The following LY86 variants were observed in gnomAD, a reference collection of about 807,000 sequenced individuals.
The protein encoded by LY86 is MD-1, RP105-associated.
In LY86, 20 loss-of-function variants were observed where a neutral mutation model predicts 17.3. The observed-to-expected ratio is 1.15, with a 90% CI of 0.81 to 1.68. The LOEUF is 1.68. Among genes scored for constraint, LY86 ranks in the 40% most tolerant of loss-of-function variants. The pLI is 0.00. For missense variants in LY86, 200 were observed against 191.9 expected, an observed-to-expected ratio of 1.04 and a Z score of -0.25; for synonymous variants, 74 against 70.6, an observed-to-expected ratio of 1.05 and a Z score of -0.24.
intron 3 of LY86, among the ~76,000 whole-genome samples, chr6:6,637,025 T>TA (rs5874046): frequency 4.7e-5 from 7 of 149,606 alleles, no homozygotes; most frequent in Middle Eastern, 3.4e-3. Context: ...TTTTTTTTTT[T>TA]AATGAGAAGG....
At chr6:6,644,386 C>T (rs574210877) in intron 3 of LY86, among the ~76,000 whole-genome samples, 28 of 152,070 alleles carry the variant, frequency 1.8e-4, no homozygotes, top group Admixed American at 1.3e-3. Flanking sequence ...TATGGTGGCA[C>T]GCACTTGTAG....
chr6:6,606,101 A>T (rs1261548236), intron 1 of LY86, among the ~76,000 whole-genome samples: 1 of 152,140 alleles, frequency 6.6e-6, no homozygotes, highest in Admixed American at 6.5e-5. Context: ...CCCCACCCAC[A>T]TCCTGCTGAT....
chr6:6,602,975 CAG>C (rs1760959337), intron 1 of LY86, among the ~76,000 whole-genome samples: 1 of 152,130 alleles, frequency 6.6e-6, no homozygotes, highest in Admixed American at 6.5e-5. Context: ...TCATAAACAA[CAG>C]AAATTCATTG....
At chr6:6,602,655 T>A (rs543622723) in intron 1 of LY86, among the ~76,000 whole-genome samples, 1 of 152,198 alleles carries the variant, frequency 6.6e-6, no homozygotes, top group Middle Eastern at 3.4e-3. Flanking sequence ...TGTGGGTAAC[T>A]GGGGTTCAGT....
chr6:6,620,982 A>G (rs1328145785), intron 1 of LY86: 1 of 152,248 alleles, frequency 6.6e-6, no homozygotes, highest in Non-Finnish European at 1.5e-5. Flanking sequence ...GAGGGCCCAC[A>G]TGCCCGGGGG....
At chr6:6,622,330 G>C (rs559238571) in intron 1 of LY86, among the ~76,000 whole-genome samples, 1 of 152,068 alleles carries the variant, frequency 6.6e-6, no homozygotes. Context: ...AACACAATAC[G>C]TACTTAGCCT....
chr6:6,616,969 G>C (rs1761570830), intron 1 of LY86, among the ~76,000 whole-genome samples: 1 of 152,224 alleles, frequency 6.6e-6, no homozygotes, highest in Non-Finnish European at 1.5e-5. Flanking sequence ...CCCTAAGCCA[G>C]GCTCTCCCTT....
chr6:6,600,784 T>C (rs1455931079), intron 1 of LY86, among the ~76,000 whole-genome samples: 1 of 151,852 alleles, frequency 6.6e-6, no homozygotes, highest in African/African-American at 2.4e-5. Flanking sequence ...TCCACTGGGA[T>C]CATTTGCCAC....
chr6:6,613,102 A>G (rs1230734392), intron 1 of LY86, among the ~76,000 whole-genome samples: 42 of 152,208 alleles, frequency 2.8e-4, no homozygotes, highest in Admixed American at 2.7e-3. Context: ...GGATTGGTGC[A>G]TTCACAAACC....
intron 1 of LY86, among the ~76,000 whole-genome samples, chr6:6,624,338 C>T (rs941302661): frequency 3.3e-5 from 3 of 90,932 alleles, no homozygotes; most frequent in Non-Finnish European, 6.6e-5. Flanking sequence ...ATACCTTGTA[C>T]ATAGTGGAAT....
intron 3 of LY86, among the ~76,000 whole-genome samples, chr6:6,638,574 G>C (rs7757484): frequency 5.3e-5 from 8 of 152,084 alleles, no homozygotes; most frequent in African/African-American, 1.9e-4. Context: ...TACTGTATTT[G>C]ATGGCGTAGA....
At position 6,627,112 on chromosome 6, in the gene LY86, TCTGA is replaced by T. The variant is rs1561788847; in HGVS notation, c.352+695_352+698del. 2.0e-5 allele frequency among the ~76,000 whole-genome samples: 3 copies of T among 152,102 alleles called. No individual in the cohort carries two copies. In the South Asian group the frequency reaches 6.2e-4, roughly 32 times the overall value. ...GTGTGGTTAAAACCTGGCTCTATTC[TCTGA>T]CTGTCCTTCCCCAGGAGTGGTTCTC... On this transcript the variant is annotated intron_variant, in intron 3 of 4. Coordinates refer to ENST00000230568, the MANE Select transcript of LY86 (RefSeq NM_004271.4).
chr6:6,617,838 TG>T (rs1554125183), intron 1 of LY86, among the ~76,000 whole-genome samples: 1 of 150,730 alleles, frequency 6.6e-6, no homozygotes, highest in South Asian at 2.1e-4. Context: ...TTTTGTTTTT[TG>T]TTTGTTTGTT....
intron 1 of LY86, among the ~76,000 whole-genome samples, chr6:6,590,970 A>G (rs1760509119): frequency 6.6e-6 from 1 of 152,220 alleles, no homozygotes. Context: ...AGAATGAACG[A>G]CTGGATGCTG....
chr6:6,651,818 G>A (rs529877897), intron 4 of LY86, among the ~76,000 whole-genome samples: 2 of 152,178 alleles, frequency 1.3e-5, no homozygotes, highest in Admixed American at 1.3e-4. Context: ...CACTTTCGGA[G>A]GCCGAGGCAG....
chr6:6,601,655 G>C (rs546773056), intron 1 of LY86, among the ~76,000 whole-genome samples: 1 of 152,114 alleles, frequency 6.6e-6, no homozygotes, highest in Non-Finnish European at 1.5e-5. Context: ...AGGAGGCAGA[G>C]CTTGCAGTGA....
chr6:6,602,366 C>T (rs966826646), intron 1 of LY86, among the ~76,000 whole-genome samples: 4 of 152,168 alleles, frequency 2.6e-5, no homozygotes, highest in African/African-American at 9.7e-5. Context: ...CCACAAACAC[C>T]ACTAAAACAT....
chr6:6,626,562 G>A, intron 3 of LY86, 141 bp downstream of exon 3: 1 of 872,380 alleles, frequency 1.1e-6, no homozygotes, highest in African/African-American at 1.7e-5. Context: ...TTATCAGCAT[G>A]TGTTGCAGAA....
In LY86 at chr6:6,612,351, T is replaced by A. The variant is rs73718603; in HGVS notation, c.137-12575T>A. The stretch of plus-strand genomic sequence containing the variant: ...AGACCCTCGCAGTAAGCATTACACT[T>A]CTTAAGGTGATACATTTGGAGTGTT... On this transcript the variant is annotated intron_variant, in intron 1 of 4. Transcript: ENST00000230568. Among the ~76,000 whole-genome samples the A allele has an allele frequency of 5.5e-3, 840 of 152,330 alleles. 8 individuals are homozygous for A. The highest frequency in any genetic ancestry group is 0.019 in the African/African-American group (791 of 41,562).
Sources: allele counts gnomAD v4.1 joint callset (sites outside exome capture counted in the v4.1 genomes callset), GRCh38; gene constraint gnomAD v4.1.1; transcripts MANE v1.5; gene names NCBI Gene and HGNC (gene_info 2026-07-23, HGNC 2026-07-21).